SDC3: variants seen among roughly 807,000 people sequenced by gnomAD.
The protein encoded by SDC3 is syndecan-3.
Under a neutral mutation model 24.4 loss-of-function variants are expected in SDC3, and 13 were observed. The observed-to-expected ratio is 0.53, with a 90% confidence interval of 0.35 to 0.85. The LOEUF (loss-of-function observed/expected upper bound fraction) is 0.85. Among genes scored for constraint, SDC3 ranks in the 40% least tolerant of loss-of-function variants. The probability of loss-of-function intolerance (pLI) is 0.01; values close to 1 mark genes in which losing one functional copy is unlikely to be tolerated. For missense variants in SDC3, 571 were observed against 584.5 expected (o/e 0.98, Z 0.24); for synonymous variants, 295 against 260.9 (o/e 1.13, Z -1.26).
chr1:30,888,126 C>T (rs193178828), intron 1 of SDC3, among the ~76,000 whole-genome samples: 6 of 152,360 alleles, frequency 3.9e-5, no homozygotes, highest in Admixed American at 3.9e-4. Flanking sequence ...ACACACTAAG[C>T]ACTGGACTCT....
At chr1:30,890,571 G>C (rs1358627772) in intron 1 of SDC3, among the ~76,000 whole-genome samples, 1 of 152,106 alleles carries the variant, frequency 6.6e-6, no homozygotes, top group African/African-American at 2.4e-5. Flanking sequence ...ATTTAGTGAT[G>C]GCTTTACAAC....
chr1:30,879,441 A>G (rs905947793), intron 1 of SDC3, among the ~76,000 whole-genome samples: 38 of 152,152 alleles, frequency 2.5e-4, no homozygotes, highest in African/African-American at 8.7e-4. Flanking sequence ...CCTTTTTTAA[A>G]CATTCTAGGA....
chr1:30,877,266 C>G, intron 2 of SDC3, 101 bp from the exon 3 acceptor site: 3 of 1,465,764 alleles, frequency 2.0e-6, no homozygotes, highest in Non-Finnish European at 9.4e-7. Context: ...GGTCTCCCAA[C>G]CCCCTCTCTT....
At chr1:30,904,296 C>A (rs1165195335) in intron 1 of SDC3, among the ~76,000 whole-genome samples, 1 of 151,808 alleles carries the variant, frequency 6.6e-6, no homozygotes, top group Non-Finnish European at 1.5e-5. Flanking sequence ...TGAAATAAGC[C>A]GATACATGTA....
intron 3 of SDC3, 87 bp from the exon 4 acceptor site, chr1:30,874,675 CTT>C (rs959790877): frequency 3.3e-6 from 4 of 1,214,872 alleles, no homozygotes; most frequent in Non-Finnish European, 2.4e-6. Context: ...GGGGCTAACA[CTT>C]AGCACTCCCT....
chr1:30,878,901 AGGG>A, intron 1 of SDC3, 161 bp from the exon 2 acceptor site: 1 of 611,250 alleles, frequency 1.6e-6, no homozygotes, highest in Non-Finnish European at 2.9e-6. Context: ...AATAATTCAC[AGGG>A]CAGGGGTGGG....
chr1:30,878,553 C>G, intron 2 of SDC3, 70 bp downstream of exon 2: 1 of 1,310,348 alleles, frequency 7.6e-7, no homozygotes, highest in Non-Finnish European at 1.1e-6. Context: ...CCCCCGTGGG[C>G]TTCTCAGAGT....
At chr1:30,900,999 A>G (rs1222660740) in intron 1 of SDC3, among the ~76,000 whole-genome samples, 1 of 152,148 alleles carries the variant, frequency 6.6e-6, no homozygotes, top group Non-Finnish European at 1.5e-5. Flanking sequence ...CTGCACCCCC[A>G]GAAAACCCTG....
In SDC3 at chr1:30,878,702, C is replaced by A; in HGVS notation, c.177G>T (p.Val59=). 1 of 1,614,200 alleles carries A rather than the reference C, an allele frequency of 6.2e-7. No homozygotes were observed. The highest frequency in any genetic ancestry group is 8.5e-7 in the Non-Finnish European group (1 of 1,180,016). The part of the protein sequence containing the change: ...RWRSENFERP[V]DLEGSGDDDS... The stretch of plus-strand genomic sequence containing the variant: ...CATCATCCCCAGAGCCCTCCAGGTC[C>A]ACGGGTCTCTCGAAGTTCTCACTGC... Residue 59 remains valine, a synonymous_variant, in exon 2 of 5, where the codon GTG becomes GTT. Coordinates refer to ENST00000339394, the MANE Select transcript of SDC3 (RefSeq NM_014654.4).
At chr1:30,905,004 C>G (rs1557528054) in intron 1 of SDC3, among the ~76,000 whole-genome samples, 1 of 152,140 alleles carries the variant, frequency 6.6e-6, no homozygotes, top group Non-Finnish European at 1.5e-5. Context: ...GGTGTCTGTC[C>G]CCAGAGCCCC....
intron 2 of SDC3, 66 bp from the exon 3 acceptor site, chr1:30,877,231 AG>A: frequency 6.2e-7 from 1 of 1,601,036 alleles, no homozygotes; most frequent in Non-Finnish European, 8.5e-7. Flanking sequence ...TGAGGATCCC[AG>A]GTAAGCAATG....
chr1:30,908,505 G>GGGCCCCGGGCCCGGCCGC lies in SDC3; in HGVS notation c.64_81dup (p.Ala22_Ala27dup), dbSNP rs1392268606. On this transcript the variant is annotated inframe_insertion, in exon 1 of 5. Coordinates refer to ENST00000339394, the MANE Select transcript of SDC3 (RefSeq NM_014654.4). ...AGCAGCGGTGGCAGGAGCAGCCCGCGGGCCCCGGGCCCGGCCGCGGCCCCG... is the reference window on the plus strand; with the variant it reads ...AGCAGCGGTGGCAGGAGCAGCCCGCGGGCCCCGGGCCCGGCCGCGGCCCCGGGCCCGGCCGCGGCCCCG... The GGGCCCCGGGCCCGGCCGC allele has an allele frequency of 4.1e-6, 4 of 979,648 alleles. No homozygotes were observed. In the South Asian group the frequency reaches 1.8e-4, roughly 44 times the overall value. 60.7% of individuals were successfully genotyped at this position (979,648 alleles called of 1,614,324 possible). A position where few individuals can be genotyped will look rare whatever the true frequency, so the allele number is the denominator to read the frequency against.
At chr1:30,900,637 G>A (rs548345125) in intron 1 of SDC3, among the ~76,000 whole-genome samples, 48 of 152,156 alleles carry the variant, frequency 3.2e-4, no homozygotes, top group African/African-American at 1.1e-3. Context: ...CATCCCCCAC[G>A]GAGCACCCCC....
chr1:30,873,337 G>C lies in SDC3; in HGVS notation c.1203C>G (p.Ala401=), dbSNP rs1170907222. 1.7e-5 allele frequency: 27 copies of C among 1,613,778 alleles called. No individual in the cohort carries two copies. Among genetic ancestry groups the C allele is most frequent in the Non-Finnish European group, 2.3e-5 (27 of 1,179,706 alleles). Residue 401 remains alanine (A), a synonymous_variant, in exon 5 of 5, where the codon GCC becomes GCG. Transcript: ENST00000339394. The part of the protein sequence containing the change: ...VGGVVGALFA[A]FLVTLLIYRM... ...GATAGATGAGCAGTGTGACCAAGAAGGCAGCAAAGAGGGCGCCCACCACCC... is the reference window on the plus strand; with the variant it reads ...GATAGATGAGCAGTGTGACCAAGAACGCAGCAAAGAGGGCGCCCACCACCC...
chr1:30,905,944 T>G (rs1417709279), intron 1 of SDC3, among the ~76,000 whole-genome samples: 3 of 140,604 alleles, frequency 2.1e-5, no homozygotes, highest in Non-Finnish European at 4.6e-5. Flanking sequence ...GCTATCCCCA[T>G]GCTGAAAGAC....
At chr1:30,901,081 C>A (rs1341595560) in intron 1 of SDC3, among the ~76,000 whole-genome samples, 1 of 152,194 alleles carries the variant, frequency 6.6e-6, no homozygotes, top group Admixed American at 6.5e-5. Flanking sequence ...GAACACCAGG[C>A]TCCACCAGCT....
intron 1 of SDC3, among the ~76,000 whole-genome samples, chr1:30,898,172 CA>C (rs1288004082): frequency 6.6e-6 from 1 of 152,192 alleles, no homozygotes; most frequent in Non-Finnish European, 1.5e-5. Context: ...GCGGCCCCTA[CA>C]GCAGTGACCC....
Position 30,869,639 on chromosome 1 carries a change from T to G in SDC3, c.*3572A>C. On this transcript the variant is annotated 3_prime_UTR_variant, in exon 5 of 5. Transcript: ENST00000339394. ...GGGGCAGGCGCCTTGGTCTCTTTTT[T>G]CCACTGTCTTTTTCTTTTGTTTTTC... is the stretch of plus-strand genomic sequence containing the variant. 2.5e-6 allele frequency: 1 copy of G among 398,558 alleles called. No homozygotes were observed. Among genetic ancestry groups the G allele is most frequent in the Admixed American group, 4.4e-5 (1 of 22,730 alleles). 24.7% of individuals were successfully genotyped at this position (398,558 alleles called of 1,614,324 possible).
intron 1 of SDC3, among the ~76,000 whole-genome samples, chr1:30,892,848 C>T (rs1003998357): frequency 6.6e-6 from 1 of 152,166 alleles, no homozygotes; most frequent in African/African-American, 2.4e-5. Flanking sequence ...CAAGTTCACC[C>T]AGCTGACATG....
Sources: allele counts gnomAD v4.1 joint callset (sites outside exome capture counted in the v4.1 genomes callset), GRCh38; gene constraint gnomAD v4.1.1; transcripts MANE v1.5; gene names NCBI Gene and HGNC (gene_info 2026-07-23, HGNC 2026-07-21).